Variants in MROH2B observed in about 807,000 individuals in gnomAD.
The protein encoded by MROH2B is maestro heat-like repeat-containing protein family member 2B.
MROH2B carries 177 observed loss-of-function variants against 208.6 expected under a neutral mutation model. The ratio of observed to expected loss-of-function variants is 0.85; its 90% CI spans 0.75 to 0.96. The LOEUF (loss-of-function observed/expected upper bound fraction) is 0.96. Ranked by LOEUF, MROH2B falls within the 40% of genes least tolerant of loss-of-function variation. The pLI is 0.00. For synonymous variants in MROH2B, 728 were observed against 659.0 expected, an observed-to-expected ratio of 1.10 and a Z score of -1.60; for missense variants, 2,002 against 1,878.7, an observed-to-expected ratio of 1.07 and a Z score of -1.21.
rs999679943 is a variant in MROH2B, at chr5:41,005,005, T to G, written c.3865-85A>C. On this transcript the variant is annotated intron_variant, in intron 35 of 41. Transcript: ENST00000399564. ...GTGCCAAAGACATCACAAGTACAAT[T>G]AAAGAGAGGACCCCACTGCTTGTGC... is the stretch of plus-strand genomic sequence containing the variant. The G allele has an allele frequency of 4.0e-6, 6 of 1,504,934 alleles. No homozygotes were observed. The Admixed American group carries it at 1.1e-4, about 28-fold the overall frequency. 93.2% of individuals were successfully genotyped at this position (1,504,934 alleles called of 1,614,324 possible). A position where few individuals can be genotyped will look rare whatever the true frequency, so the allele number is the denominator to read the frequency against.
At chr5:41,069,828 G>A in intron 1 of MROH2B, 76 bp from the exon 2 acceptor site, 1 of 1,103,264 alleles carries the variant, frequency 9.1e-7, no homozygotes, top group Non-Finnish European at 1.3e-6. Context: ...AATCAACACA[G>A]AAAGTTCATT....
chr5:41,031,150 G>T (rs1742554977), intron 24 of MROH2B, among the ~76,000 whole-genome samples: 1 of 152,076 alleles, frequency 6.6e-6, no homozygotes, highest in Non-Finnish European at 1.5e-5. Context: ...AAGGAAAGAG[G>T]TTTAATTGAC....
chr5:41,009,264 AGGCT>A lies in MROH2B; in HGVS notation c.3420+12_3420+15del, dbSNP rs1561276775. 6.2e-7 allele frequency: 1 copy of A among 1,613,572 alleles called. No homozygotes were observed. Among genetic ancestry groups the A allele is most frequent in the Admixed American group, 1.7e-5 (1 of 60,010 alleles). On this transcript the variant is annotated intron_variant, in intron 32 of 41. Coordinates refer to ENST00000399564, the MANE Select transcript of MROH2B (RefSeq NM_173489.5). Reference sequence around the variant, plus strand: ...GCAGTCTCAGGCAAGTGATGGGTTCAGGCTGTCCAACTCACTGAAATTGCCTCAA... The same window carrying A: ...GCAGTCTCAGGCAAGTGATGGGTTCAGTCCAACTCACTGAAATTGCCTCAA...
chr5:41,000,425 A>T (rs1008816959), intron 38 of MROH2B, 74 bp from the exon 39 acceptor site: 2 of 1,555,366 alleles, frequency 1.3e-6, no homozygotes, highest in Non-Finnish European at 1.7e-6. Context: ...AATGCTGAAT[A>T]GTACTGGGAA....
intron 24 of MROH2B, among the ~76,000 whole-genome samples, chr5:41,024,870 G>A (rs1456289221): frequency 6.6e-6 from 1 of 152,126 alleles, no homozygotes; most frequent in Non-Finnish European, 1.5e-5. Flanking sequence ...TAGAACTCAG[G>A]ATTAAGAAAC....
chr5:41,055,026 C>A (rs1743402620), intron 10 of MROH2B, among the ~76,000 whole-genome samples, 186 bp from the exon 11 acceptor site: 1 of 152,138 alleles, frequency 6.6e-6, no homozygotes, highest in South Asian at 2.1e-4. Flanking sequence ...CCAATGCTTT[C>A]TTTGCTTCTT....
In MROH2B at chr5:41,015,408, C is replaced by T; in HGVS notation, c.2955G>A (p.Gln985=). Reference sequence around the variant, plus strand: ...TAGCTATTTTAGAAGAAATCTTGATCTGAACCTGCACGTCATCACTTTCCA... The same window carrying T: ...TAGCTATTTTAGAAGAAATCTTGATTTGAACCTGCACGTCATCACTTTCCA... ...EGLESDDVQV[Q]IKISSKIAKI... Residue 985 remains glutamine (Q), a synonymous_variant, in exon 29 of 42, where the codon CAG becomes CAA. Coordinates refer to ENST00000399564, the MANE Select transcript of MROH2B (RefSeq NM_173489.5). 3.7e-6 allele frequency: 6 copies of T among 1,613,526 alleles called. No individual in the cohort carries two copies. The highest frequency in any genetic ancestry group is 5.1e-6 in the Non-Finnish European group (6 of 1,179,632).
chr5:41,024,706 C>A (rs546594255), intron 24 of MROH2B, among the ~76,000 whole-genome samples: 4 of 152,226 alleles, frequency 2.6e-5, no homozygotes, highest in African/African-American at 7.2e-5. Flanking sequence ...CTACAGAACT[C>A]TCCACCCCAA....
Position 41,028,021 on chromosome 5 carries a change from C to T in MROH2B, c.2441+4721G>A, listed in dbSNP as rs550108994. Among the ~76,000 whole-genome samples the T allele has an allele frequency of 2.1e-3, 315 of 151,266 alleles. 3 individuals are homozygous for T. Among genetic ancestry groups the T allele is most frequent in the African/African-American group, 7.1e-3 (294 of 41,124 alleles). On this transcript the variant is annotated intron_variant, in intron 24 of 41. Transcript: ENST00000399564. ...CTTGGAAACAGGGTGGGGAACATCA[C>T]ACACCAGGGCCCGTCGTGGGGTGGG...
At chr5:41,016,815 AT>A (rs1330618055) in intron 28 of MROH2B, among the ~76,000 whole-genome samples, 5 of 151,492 alleles carry the variant, frequency 3.3e-5, no homozygotes, top group African/African-American at 9.7e-5. Flanking sequence ...CCTTAATTCT[AT>A]TTTTTTCCTG....
chr5:41,004,427 T>G lies in MROH2B; in HGVS notation c.4113A>C (p.Lys1371Asn), dbSNP rs760043686. ...CTCGGTCTGTCAGCAGCTCCAGGATTTTTTTTAGAGCCTTCAAGCTTTCAC... is the reference window on the plus strand; with the variant it reads ...CTCGGTCTGTCAGCAGCTCCAGGATGTTTTTTAGAGCCTTCAAGCTTTCAC... ...VVCESLKALK[K>N]ILELLTDRDV... Residue 1371 changes from lysine to asparagine, a missense_variant, in exon 37 of 42, where the codon AAA becomes AAC. Lys to Asn is a moderately conservative substitution (Grantham distance 94). Transcript: ENST00000399564. 1 of 1,613,992 alleles carries G rather than the reference T, an allele frequency of 6.2e-7. No homozygotes were observed. The highest frequency in any genetic ancestry group is 2.2e-5 in the East Asian group (1 of 44,878).
intron 21 of MROH2B, among the ~76,000 whole-genome samples, chr5:41,036,127 T>C (rs928403749): frequency 1.3e-3 from 163 of 124,326 alleles, no homozygotes; most frequent in Non-Finnish European, 2.0e-3. Context: ...ATATATTATA[T>C]ATACACACAC....
chr5:41,004,772 A>T lies in MROH2B; in HGVS notation c.4011+2T>A. 1.9e-6 allele frequency: 3 copies of T among 1,612,224 alleles called. No homozygotes were observed. Among genetic ancestry groups the T allele is most frequent in the Non-Finnish European group, 2.5e-6 (3 of 1,179,488 alleles). On this transcript the variant is annotated splice_donor_variant, in intron 36 of 41. Coordinates refer to ENST00000399564, the MANE Select transcript of MROH2B (RefSeq NM_173489.5). LOFTEE classifies it high-confidence loss of function. ...ACCATTTCCCCTTAAAACGCCTTTT[A>T]CCTTGTGAGGAGCCCCGGATGCTGT...
Position 41,069,713 on chromosome 5 carries a change from T to C in MROH2B, c.68A>G (p.Asn23Ser), listed in dbSNP as rs184558928. The part of the protein sequence containing the change: ...GDINLTLGML[N>S]KEDIVNKEDI... ...TACCTTGTTAACAATATCTTCCTTGTTCAGCATGCCAAGAGTGAGGTTAAT... is the reference window on the plus strand; with the variant it reads ...TACCTTGTTAACAATATCTTCCTTGCTCAGCATGCCAAGAGTGAGGTTAAT... Residue 23 changes from asparagine to serine, a missense_variant, in exon 2 of 42, where the codon AAC becomes AGC. By Grantham distance (46) the Asn-to-Ser change is conservative. Transcript: ENST00000399564. 252 of 1,607,366 alleles carry C rather than the reference T, an allele frequency of 1.6e-4. 3 individuals carry two copies. In the East Asian group the frequency reaches 4.8e-3, roughly 30 times the overall value.
chr5:41,004,249 T>C, intron 37 of MROH2B, 97 bp downstream of exon 37: 2 of 1,405,286 alleles, frequency 1.4e-6, no homozygotes, highest in Non-Finnish European at 1.9e-6. Context: ...CCAAGGAATA[T>C]GGGTGGGACA....
chr5:41,041,869 A>C (rs1742965019), intron 19 of MROH2B, among the ~76,000 whole-genome samples: 1 of 152,234 alleles, frequency 6.6e-6, no homozygotes, highest in Non-Finnish European at 1.5e-5. Flanking sequence ...AGAATTATTG[A>C]AATTCATTTT....
At chr5:41,005,436 T>G in intron 35 of MROH2B, 95 bp downstream of exon 35, 2 of 198,470 alleles carry the variant, frequency 1.0e-5, no homozygotes, top group Non-Finnish European at 2.0e-5. Context: ...TTGAAGTCTC[T>G]CTTCCCTGGT....
rs901708466 is a variant in MROH2B, at chr5:41,052,719, G to A, written c.1108-132C>T. 20 of 763,734 alleles carry A rather than the reference G, an allele frequency of 2.6e-5. 1 individual carries two copies. The South Asian group carries it at 7.7e-4, about 29-fold the overall frequency. 47.3% of individuals were successfully genotyped at this position (763,734 alleles called of 1,614,324 possible). A position where few individuals can be genotyped will look rare whatever the true frequency, so the allele number is the denominator to read the frequency against. ...GAAAAAGGAACATAAATTGAATAGT[G>A]TTAATACAGATTGAATAATCCTTAT... On this transcript the variant is annotated intron_variant, in intron 11 of 41. Coordinates refer to ENST00000399564, the MANE Select transcript of MROH2B (RefSeq NM_173489.5).
At chr5:41,041,948 A>G (rs1742967014) in intron 19 of MROH2B, 144 bp downstream of exon 19, 1 of 436,806 alleles carries the variant, frequency 2.3e-6, no homozygotes, top group Non-Finnish European at 4.1e-6. Flanking sequence ...ACTTTTCCGA[A>G]AAATTCTGTT....
Sources: gnomAD v4.1 joint callset for allele counts (sites outside exome capture counted in the v4.1 genomes callset) on GRCh38, gnomAD v4.1.1 for gene constraint, MANE v1.5 for transcripts, NCBI Gene and HGNC (gene_info 2026-07-23, HGNC 2026-07-21) for gene names.